The following CNBD1 variants were observed in gnomAD, a reference collection of about 807,000 sequenced individuals.
CNBD1 encodes cyclic nucleotide-binding domain-containing protein 1.
Under a neutral mutation model 54.4 loss-of-function variants are expected in CNBD1, and 71 were observed. That is an observed-to-expected ratio of 1.30 (90% CI 1.08 to 1.59). The LOEUF (loss-of-function observed/expected upper bound fraction) is 1.59, where lower values mean the gene tolerates loss of function less well. CNBD1 is among the 40% of genes most tolerant of loss of function. The pLI is 0.00. For missense variants in CNBD1, 659 were observed against 518.0 expected, an observed-to-expected ratio of 1.27 and a Z score of -2.64; for synonymous variants, 182 against 170.7, an observed-to-expected ratio of 1.07 and a Z score of -0.51.
At chr8:86,969,777 G>GT (rs1286747372) in intron 4 of CNBD1, among the ~76,000 whole-genome samples, 2 of 112,680 alleles carry the variant, frequency 1.8e-5, no homozygotes, top group African/African-American at 3.3e-5. Context: ...AAGGACTAGT[G>GT]TTTTATATAT....
intron 4 of CNBD1, among the ~76,000 whole-genome samples, chr8:87,145,453 A>G (rs1434127713): frequency 6.6e-6 from 1 of 152,200 alleles, no homozygotes; most frequent in East Asian, 1.9e-4. Context: ...GAAATGAAAT[A>G]ACCCCAGATC....
At position 87,351,729 on chromosome 8, in the gene CNBD1, A is replaced by G; in HGVS notation, c.1087A>G (p.Asn363Asp). ...TATAATTTCTTTTGTGGGTTATATT[A>G]ACTCTGGATGCTGTAACATTTATAG... ...GNIISFVGYI[N>D]SGCCNIYRSI... The change falls in exon 9 of 11, where the codon AAC (asparagine) becomes GAC (aspartate). Residue 363 changes from asparagine (N) to aspartate (D), a missense_variant. Physicochemically the swap from Asn to Asp is conservative, Grantham distance 23 (BLOSUM62 1). Transcript: ENST00000518476. The G allele has an allele frequency of 4.6e-6, 7 of 1,536,980 alleles. No individual in the cohort carries two copies. Among genetic ancestry groups the G allele is most frequent in the Non-Finnish European group, 6.1e-6 (7 of 1,146,460 alleles).
intron 4 of CNBD1, among the ~76,000 whole-genome samples, chr8:87,175,881 A>G (rs1813186350): frequency 6.6e-6 from 1 of 152,118 alleles, no homozygotes; most frequent in Non-Finnish European, 1.5e-5. Context: ...GCTTACTGGA[A>G]CTCAAGTTCT....
chr8:87,422,750 G>T (rs539157809), intron 2 of CNBD1, among the ~76,000 whole-genome samples: 2 of 152,034 alleles, frequency 1.3e-5, no homozygotes, highest in Non-Finnish European at 2.9e-5. Context: ...TTGACTTGAC[G>T]ATGCGGGCTC....
At chr8:86,942,747 C>T (rs1453214328) in intron 4 of CNBD1, among the ~76,000 whole-genome samples, 3 of 152,170 alleles carry the variant, frequency 2.0e-5, no homozygotes, top group African/African-American at 7.2e-5. Flanking sequence ...CCCCCACTCC[C>T]AACATTTAAG....
intron 8 of CNBD1, among the ~76,000 whole-genome samples, chr8:87,302,287 A>G (rs574605775): frequency 6.6e-6 from 1 of 152,340 alleles, no homozygotes; most frequent in African/African-American, 2.4e-5. Context: ...AAGCTTATCC[A>G]ACATGATCAA....
At chr8:87,082,295 T>C (rs993716433) in intron 4 of CNBD1, among the ~76,000 whole-genome samples, 4 of 152,078 alleles carry the variant, frequency 2.6e-5, no homozygotes, top group African/African-American at 9.7e-5. Context: ...AATTTTCCAC[T>C]ACCTACCCAA....
chr8:86,994,030 G>A (rs1036392322), intron 4 of CNBD1, among the ~76,000 whole-genome samples: 5 of 152,318 alleles, frequency 3.3e-5, no homozygotes, highest in African/African-American at 1.2e-4. Flanking sequence ...GCCCAGCCCA[G>A]TACAGGGAGG....
At chr8:87,087,340 G>A (rs1283510068) in intron 4 of CNBD1, among the ~76,000 whole-genome samples, 1 of 148,748 alleles carries the variant, frequency 6.7e-6, no homozygotes, top group Non-Finnish European at 1.5e-5. Context: ...CATATTGGGT[G>A]TTTGGAGGGG....
rs1299532682 is a variant in CNBD1, at chr8:87,228,899, TG to T, written c.578-8016del. Among the ~76,000 whole-genome samples, 7 of 152,158 alleles carry T rather than the reference TG, an allele frequency of 4.6e-5. No individual in the cohort carries two copies. The South Asian group carries it at 1.2e-3, about 27-fold the overall frequency. On this transcript the variant is annotated intron_variant, in intron 5 of 10. Transcript: ENST00000518476. ...TATGCTAGCAATCAGCGAGACTCTGTGGGGTAGGACCCTCCGAGCCAGGTGG... is the reference window on the plus strand; with the variant it reads ...TATGCTAGCAATCAGCGAGACTCTGTGGGTAGGACCCTCCGAGCCAGGTGG...
intron 2 of CNBD1, among the ~76,000 whole-genome samples, chr8:87,399,269 T>A (rs1811458557): frequency 6.6e-6 from 1 of 151,974 alleles, no homozygotes; most frequent in African/African-American, 2.4e-5. Context: ...GCCAAATATG[T>A]GCTTGTCGTG....
Position 87,290,390 on chromosome 8 carries a change from T to C in CNBD1, c.1042+3719T>C, listed in dbSNP as rs187138250. 8.3e-4 allele frequency among the ~76,000 whole-genome samples: 126 copies of C among 152,268 alleles called. 1 individual carries two copies. Among genetic ancestry groups the C allele is most frequent in the African/African-American group, 3.0e-3 (124 of 41,570 alleles). On this transcript the variant is annotated intron_variant, in intron 8 of 10. Transcript: ENST00000518476. The stretch of plus-strand genomic sequence containing the variant: ...AGTTCAATATCAGTTTTCTCCCACC[T>C]GCTTTCTTATGCTGCTATTGGCAAA...
chr8:86,981,919 G>T (rs999299993), intron 4 of CNBD1, among the ~76,000 whole-genome samples: 1 of 152,128 alleles, frequency 6.6e-6, no homozygotes, highest in African/African-American at 2.4e-5. Flanking sequence ...TGTACTCTGG[G>T]TTAACACACA....
At chr8:87,008,956 T>C (rs1809158889) in intron 4 of CNBD1, among the ~76,000 whole-genome samples, 1 of 152,146 alleles carries the variant, frequency 6.6e-6, no homozygotes. Context: ...ATTTATTCAG[T>C]TTATTATTTA....
chr8:87,213,965 C>G (rs1380849864), intron 5 of CNBD1, among the ~76,000 whole-genome samples: 1 of 152,140 alleles, frequency 6.6e-6, no homozygotes, highest in Admixed American at 6.5e-5. Context: ...GGCTAAAGGC[C>G]CCATGCAAGT....
intron 3 of CNBD1, among the ~76,000 whole-genome samples, chr8:86,925,373 T>G (rs1809340492): frequency 6.6e-6 from 1 of 152,128 alleles, no homozygotes; most frequent in Admixed American, 6.6e-5. Flanking sequence ...CTTCAGTTTT[T>G]ATTTTTAAAA....
chr8:87,392,701 G>T (rs1811332315), intron 2 of CNBD1, among the ~76,000 whole-genome samples: 1 of 151,898 alleles, frequency 6.6e-6, no homozygotes, highest in African/African-American at 2.4e-5. Flanking sequence ...GTTTCTTTTG[G>T]GGGTGACAAA....
chr8:87,240,972 TC>T, intron 6 of CNBD1, among the ~76,000 whole-genome samples: 1 of 152,094 alleles, frequency 6.6e-6, no homozygotes, highest in African/African-American at 2.4e-5. Context: ...TTTTTGTGGG[TC>T]CCCCCAGTTG....
chr8:87,161,192 G>T (rs1004002003), intron 4 of CNBD1, among the ~76,000 whole-genome samples: 1 of 152,048 alleles, frequency 6.6e-6, no homozygotes, highest in Non-Finnish European at 1.5e-5. Flanking sequence ...GAGAATGACA[G>T]GTTACCTTCA....
Sources: allele counts gnomAD v4.1 joint callset (sites outside exome capture counted in the v4.1 genomes callset), GRCh38; gene constraint gnomAD v4.1.1; transcripts MANE v1.5; gene names NCBI Gene and HGNC (gene_info 2026-07-23, HGNC 2026-07-21).